LHFPL3: variants seen among roughly 807,000 people sequenced by gnomAD.
LHFPL3 encodes LHFPL tetraspan subfamily member 3 protein.
In LHFPL3, 5 loss-of-function variants were observed where a neutral mutation model predicts 19.3. The observed-to-expected ratio is 0.26, with a 90% CI of 0.14 to 0.54. The LOEUF (loss-of-function observed/expected upper bound fraction) is 0.54, where lower values mean the gene tolerates loss of function less well. Ranked by LOEUF, LHFPL3 falls within the 20% of genes least tolerant of loss-of-function variation. The pLI, the probability that LHFPL3 is intolerant of heterozygous loss-of-function variation, is 0.94. For missense variants in LHFPL3, 249 were observed against 307.4 expected (o/e 0.81, Z 1.42); for synonymous variants, 133 against 126.2 (o/e 1.05, Z -0.36).
intron 1 of LHFPL3, among the ~76,000 whole-genome samples, chr7:104,496,812 AC>A (rs1793492343): frequency 6.6e-6 from 1 of 152,210 alleles, no homozygotes; most frequent in Non-Finnish European, 1.5e-5. Flanking sequence ...GGAGCACTGC[AC>A]TTCCTGTGCT....
chr7:104,571,902 T>G (rs1366806188), intron 1 of LHFPL3, among the ~76,000 whole-genome samples: 1 of 152,218 alleles, frequency 6.6e-6, no homozygotes, highest in Non-Finnish European at 1.5e-5. Flanking sequence ...CTAAACTTTA[T>G]GTAAACACAC....
intron 1 of LHFPL3, among the ~76,000 whole-genome samples, chr7:104,602,379 G>A (rs765861480): frequency 2.0e-5 from 3 of 152,054 alleles, no homozygotes; most frequent in Non-Finnish European, 2.9e-5. Context: ...CTTTTCTTTT[G>A]CCATCCTCTG....
chr7:104,512,750 A>G (rs562186252), intron 1 of LHFPL3, among the ~76,000 whole-genome samples: 9 of 151,988 alleles, frequency 5.9e-5, no homozygotes, highest in South Asian at 2.1e-4. Context: ...AGAAAAAAAA[A>G]AGAGAGAGAG....
At chr7:104,878,227 T>C (rs1033391795) in intron 2 of LHFPL3, among the ~76,000 whole-genome samples, 1 of 152,038 alleles carries the variant, frequency 6.6e-6, no homozygotes, top group Non-Finnish European at 1.5e-5. Flanking sequence ...GCACACCTCA[T>C]ATTTATTGCA....
At chr7:104,606,634 G>T (rs949837462) in intron 1 of LHFPL3, among the ~76,000 whole-genome samples, 2 of 151,948 alleles carry the variant, frequency 1.3e-5, no homozygotes, top group African/African-American at 4.8e-5. Flanking sequence ...GGTTTTTCCT[G>T]CCTGCTGCAC....
chr7:104,595,005 G>A (rs928479398), intron 1 of LHFPL3, among the ~76,000 whole-genome samples: 3 of 152,178 alleles, frequency 2.0e-5, no homozygotes, highest in African/African-American at 7.2e-5. Context: ...GCTCGGAGAA[G>A]TTTGTTATTA....
chr7:104,598,679 A>T (rs561927901), intron 1 of LHFPL3, among the ~76,000 whole-genome samples: 15 of 152,236 alleles, frequency 9.9e-5, no homozygotes, highest in Non-Finnish European at 1.9e-4. Flanking sequence ...TTCATCATAG[A>T]GTCCTTCTCT....
At chr7:104,641,169 G>T in intron 1 of LHFPL3, among the ~76,000 whole-genome samples, 1 of 152,280 alleles carries the variant, frequency 6.6e-6, no homozygotes, top group South Asian at 2.1e-4. Context: ...CAAGTGGGAT[G>T]CCATGTAACT....
intron 2 of LHFPL3, among the ~76,000 whole-genome samples, chr7:104,815,636 T>C (rs1313787003): frequency 2.6e-5 from 4 of 152,200 alleles, no homozygotes; most frequent in African/African-American, 9.6e-5. Context: ...CACCTTTTTC[T>C]CCTCCGTTCA....
chr7:104,503,221 A>C (rs1014129599), intron 1 of LHFPL3, among the ~76,000 whole-genome samples: 1 of 152,168 alleles, frequency 6.6e-6, no homozygotes, highest in Non-Finnish European at 1.5e-5. Flanking sequence ...GTTCACATAT[A>C]ATTTTAAGTA....
At chr7:104,689,311 A>G (rs980143568) in intron 1 of LHFPL3, among the ~76,000 whole-genome samples, 1 of 152,190 alleles carries the variant, frequency 6.6e-6, no homozygotes, top group Admixed American at 6.5e-5. Context: ...AGCAGAGGCA[A>G]AGCAGCAATC....
chr7:104,631,770 A>G (rs889492984), intron 1 of LHFPL3, among the ~76,000 whole-genome samples: 15 of 152,326 alleles, frequency 9.8e-5, no homozygotes, highest in Admixed American at 8.5e-4. Flanking sequence ...AGAGGCTAAG[A>G]ATAGTGAAAA....
intron 2 of LHFPL3, 74 bp downstream of exon 2, chr7:104,736,985 C>T (rs1793838288): frequency 8.6e-7 from 1 of 1,165,566 alleles, no homozygotes; most frequent in African/African-American, 1.5e-5. Flanking sequence ...TCTTTCCCCT[C>T]AAATACTAGT....
At chr7:104,726,346 T>TC (rs1305252007) in intron 1 of LHFPL3, among the ~76,000 whole-genome samples, 1 of 151,842 alleles carries the variant, frequency 6.6e-6, no homozygotes, top group Non-Finnish European at 1.5e-5. Flanking sequence ...TTTTTTTTTT[T>TC]ATTCCAAGGT....
chr7:104,688,130 G>T (rs1792841007), intron 1 of LHFPL3, among the ~76,000 whole-genome samples: 1 of 152,128 alleles, frequency 6.6e-6, no homozygotes, highest in Non-Finnish European at 1.5e-5. Flanking sequence ...GGAGTTTAGT[G>T]GTTCTATATA....
intron 1 of LHFPL3, among the ~76,000 whole-genome samples, chr7:104,701,030 T>G (rs534171855): frequency 6.6e-6 from 1 of 152,320 alleles, no homozygotes; most frequent in South Asian, 2.1e-4. Flanking sequence ...CTGAAAAATA[T>G]CCTAAGAATA....
chr7:104,453,758 T>C (rs1792489192), intron 1 of LHFPL3, among the ~76,000 whole-genome samples: 1 of 152,078 alleles, frequency 6.6e-6, no homozygotes, highest in Non-Finnish European at 1.5e-5. Context: ...ATAAGTAAGC[T>C]GTCACTCTGA....
chr7:104,492,096 A>G (rs1056752935), intron 1 of LHFPL3, among the ~76,000 whole-genome samples: 11 of 152,348 alleles, frequency 7.2e-5, no homozygotes, highest in Middle Eastern at 3.4e-3. Context: ...TGATTCACCA[A>G]GAGTTAATGT....
chr7:104,353,171 CA>C (rs1286825023), intron 1 of LHFPL3, among the ~76,000 whole-genome samples: 1 of 152,208 alleles, frequency 6.6e-6, no homozygotes, highest in East Asian at 1.9e-4. Flanking sequence ...TGAACAACAA[CA>C]ACAAAAAAGC....
Sources: allele counts gnomAD v4.1 joint callset (sites outside exome capture counted in the v4.1 genomes callset), GRCh38; gene constraint gnomAD v4.1.1; transcripts MANE v1.5; gene names NCBI Gene and HGNC (gene_info 2026-07-23, HGNC 2026-07-21).